The following EBF2 variants were observed in gnomAD, a reference collection of about 807,000 sequenced individuals.
EBF2 encodes transcription factor COE2.
In EBF2, 21 loss-of-function variants were observed where a neutral mutation model predicts 72.8. The ratio of observed to expected loss-of-function variants is 0.29; its 90% CI spans 0.20 to 0.42. The LOEUF (loss-of-function observed/expected upper bound fraction) is 0.42. EBF2 is among the 10% of genes least tolerant of loss of function. The pLI, the probability that EBF2 is intolerant of heterozygous loss-of-function variation, is 1.00. For missense variants in EBF2, 637 were observed against 731.2 expected (o/e 0.87, Z 1.49); for synonymous variants, 299 against 274.2 (o/e 1.09, Z -0.89).
chr8:25,868,772 G>C (rs2117270823), intron 10 of EBF2, among the ~76,000 whole-genome samples: 1 of 152,136 alleles, frequency 6.6e-6, no homozygotes, highest in South Asian at 2.1e-4. Flanking sequence ...CACAGCTCCT[G>C]GTCTGTACAT....
chr8:25,884,235 A>G (rs1802652060), intron 10 of EBF2, among the ~76,000 whole-genome samples: 1 of 151,944 alleles, frequency 6.6e-6, no homozygotes, highest in African/African-American at 2.4e-5. Context: ...ATCTTGCTGT[A>G]CCCTCTACCT....
intron 6 of EBF2, among the ~76,000 whole-genome samples, chr8:25,924,184 C>A (rs1803348503): frequency 6.6e-6 from 1 of 152,174 alleles, no homozygotes; most frequent in South Asian, 2.1e-4. Context: ...CATATCTTCC[C>A]TGTAAAATTG....
At chr8:25,981,473 T>C (rs901981801) in intron 6 of EBF2, among the ~76,000 whole-genome samples, 1 of 151,960 alleles carries the variant, frequency 6.6e-6, no homozygotes, top group African/African-American at 2.4e-5. Flanking sequence ...CATGAACCAA[T>C]GCAGTCAGAC....
At chr8:25,885,108 T>G (rs989498069) in intron 10 of EBF2, among the ~76,000 whole-genome samples, 2 of 152,116 alleles carry the variant, frequency 1.3e-5, no homozygotes, top group Non-Finnish European at 2.9e-5. Context: ...CACCATTTCT[T>G]TTTTTGAAGA....
rs1046042291 is a variant in EBF2 at position 25,886,821 on chromosome 8, C to G, written c.943G>C (p.Glu315Gln). The change falls in exon 10 of 16, where the codon GAG (glutamate) becomes CAG (glutamine). Residue 315 changes from glutamate (E) to glutamine (Q), a missense_variant. Glu to Gln is a conservative substitution (Grantham distance 29). Coordinates refer to ENST00000520164, the MANE Select transcript of EBF2 (RefSeq NM_022659.4). ...TTAGATTTATAAGATAATGTCACCTCTACCACGCCTGGGATGTGCCGGGGA... is the reference window on the plus strand; with the variant it reads ...TTAGATTTATAAGATAATGTCACCTGTACCACGCCTGGGATGTGCCGGGGA... ...TPPRHIPGVV[E>Q]VTLSYKSKQF... The G allele has an allele frequency of 6.2e-7, 1 of 1,613,692 alleles. No homozygotes were observed. The highest frequency in any genetic ancestry group is 1.3e-5 in the African/African-American group (1 of 75,042).
At chr8:26,027,729 G>A (rs997098649) in intron 6 of EBF2, among the ~76,000 whole-genome samples, 6 of 151,970 alleles carry the variant, frequency 3.9e-5, no homozygotes, top group Non-Finnish European at 7.4e-5. Flanking sequence ...ATTGCCAGAC[G>A]AATATACAAA....
At chr8:26,031,100 A>C (rs973316539) in intron 6 of EBF2, among the ~76,000 whole-genome samples, 1 of 152,166 alleles carries the variant, frequency 6.6e-6, no homozygotes, top group African/African-American at 2.4e-5. Context: ...ATTTGCAAAC[A>C]TTTCTAAAGC....
At chr8:26,035,169 G>A (rs1225329894) in intron 5 of EBF2, among the ~76,000 whole-genome samples, 1 of 149,150 alleles carries the variant, frequency 6.7e-6, no homozygotes, top group Non-Finnish European at 1.5e-5. Context: ...TTGAGACAGG[G>A]TCTCCCTTTG....
chr8:25,844,765 C>T (rs1379232500), intron 15 of EBF2, 125 bp from the exon 16 acceptor site: 3 of 1,230,396 alleles, frequency 2.4e-6, no homozygotes, highest in African/African-American at 3.0e-5. Context: ...ATGGTGCCCT[C>T]AGCTGATATG....
At chr8:25,960,197 GAA>G (rs1488567790) in intron 6 of EBF2, among the ~76,000 whole-genome samples, 1 of 152,216 alleles carries the variant, frequency 6.6e-6, no homozygotes, top group Non-Finnish European at 1.5e-5. Flanking sequence ...GCTCAAAGAT[GAA>G]AGAGTCCTCA....
chr8:25,872,897 G>A (rs897170829), intron 10 of EBF2, among the ~76,000 whole-genome samples: 1 of 152,202 alleles, frequency 6.6e-6, no homozygotes, highest in Non-Finnish European at 1.5e-5. Context: ...GAGGAATTTA[G>A]ATAACACAGA....
chr8:25,951,233 C>G (rs143691969), intron 6 of EBF2, among the ~76,000 whole-genome samples: 72 of 152,170 alleles, frequency 4.7e-4, no homozygotes, highest in African/African-American at 1.7e-3. Flanking sequence ...AAATTTAGTA[C>G]TCATAAATAG....
At chr8:25,903,471 G>A (rs2117307939) in intron 7 of EBF2, among the ~76,000 whole-genome samples, 2 of 152,270 alleles carry the variant, frequency 1.3e-5, no homozygotes, top group Middle Eastern at 6.8e-3. Flanking sequence ...CCAGGCGGGT[G>A]GATCACGAGG....
intron 6 of EBF2, among the ~76,000 whole-genome samples, chr8:25,915,079 C>T (rs1455065773): frequency 6.6e-6 from 1 of 152,040 alleles, no homozygotes; most frequent in East Asian, 1.9e-4. Flanking sequence ...ATATTATTTG[C>T]CAGGTATGAT....
intron 6 of EBF2, among the ~76,000 whole-genome samples, chr8:25,924,126 T>C (rs561642875): frequency 2.0e-5 from 3 of 152,328 alleles, no homozygotes; most frequent in African/African-American, 7.2e-5. Context: ...TATTTTCATC[T>C]CTCTGTGTCT....
intron 10 of EBF2, among the ~76,000 whole-genome samples, chr8:25,872,668 T>C (rs1802459924): frequency 7.0e-6 from 1 of 143,248 alleles, no homozygotes; most frequent in Non-Finnish European, 1.5e-5. Context: ...TTCTTTGCAT[T>C]GTAAGAAAGC....
At chr8:25,903,799 C>A (rs968486115) in intron 7 of EBF2, among the ~76,000 whole-genome samples, 1 of 152,092 alleles carries the variant, frequency 6.6e-6, no homozygotes, top group African/African-American at 2.4e-5. Context: ...GAGGAGGCAG[C>A]GACACTTTGA....
At chr8:25,873,442 A>G (rs1230001967) in intron 10 of EBF2, among the ~76,000 whole-genome samples, 1 of 152,220 alleles carries the variant, frequency 6.6e-6, no homozygotes, top group African/African-American at 2.4e-5. Context: ...AACCTTGGCT[A>G]CATTGAAATC....
intron 13 of EBF2, 76 bp from the exon 14 acceptor site, chr8:25,858,580 C>T (rs1802144609): frequency 7.0e-7 from 1 of 1,434,266 alleles, no homozygotes; most frequent in Non-Finnish European, 9.4e-7. Flanking sequence ...CACAGGTCCT[C>T]ATTGGCCCCA....
Sources: gnomAD v4.1 joint callset for allele counts (sites outside exome capture counted in the v4.1 genomes callset) on GRCh38, gnomAD v4.1.1 for gene constraint, MANE v1.5 for transcripts, NCBI Gene and HGNC (gene_info 2026-07-23, HGNC 2026-07-21) for gene names.